Variants in B3GALNT2 observed in about 807,000 individuals in gnomAD.
B3GALNT2 encodes UDP-GalNAc:beta-1,3-N-acetylgalactosaminyltransferase 2.
In B3GALNT2, 53 loss-of-function variants were observed where a neutral mutation model predicts 61.1. That is an observed-to-expected ratio of 0.87 (90% CI 0.70 to 1.09). The LOEUF is 1.09. B3GALNT2 is among the 50% of genes least tolerant of loss of function. B3GALNT2 has a pLI of 0.00. For missense variants in B3GALNT2, 544 were observed against 623.0 expected (o/e 0.87, Z 1.35); for synonymous variants, 223 against 237.4 (o/e 0.94, Z 0.56).
At chr1:235,480,269 A>C (rs1684497478) in intron 4 of B3GALNT2, 120 bp from the exon 5 acceptor site, 4 of 1,425,714 alleles carry the variant, frequency 2.8e-6, no homozygotes, top group Non-Finnish European at 3.7e-6. Flanking sequence ...AACCACGGTC[A>C]CTAACATGGT....
rs1685725563 is a variant in B3GALNT2 at position 235,504,180 on chromosome 1, A to G, written c.73T>C (p.Ser25Pro). Reference sequence around the variant, plus strand: ...CCGGAGGCGCAGGCGGGCGGCGGGGAGCGCAGCCGCAGCCAGAGGTGCAGC... The same window carrying G: ...CCGGAGGCGCAGGCGGGCGGCGGGGGGCGCAGCCGCAGCCAGAGGTGCAGC... ...AALHLWLRLR[S>P]PPPACASGAG... The change falls in exon 1 of 12, where the codon TCC becomes CCC. Residue 25 changes from serine (S) to proline (P), a missense_variant. Transcript: ENST00000366600. The G allele has an allele frequency of 2.3e-5, 29 of 1,273,050 alleles. No homozygotes were observed. The highest frequency in any genetic ancestry group is 2.6e-5 in the Non-Finnish European group (26 of 1,012,816). 78.9% of individuals were successfully genotyped at this position (1,273,050 alleles called of 1,614,324 possible). A position where few individuals can be genotyped will look rare whatever the true frequency, so the allele number is the denominator to read the frequency against.
At chr1:235,495,429 T>C (rs1212703559) in intron 1 of B3GALNT2, among the ~76,000 whole-genome samples, 2 of 152,136 alleles carry the variant, frequency 1.3e-5, no homozygotes, top group African/African-American at 2.4e-5. Flanking sequence ...AGGACTTCCA[T>C]ACCGGAAAGT....
chr1:235,458,995 C>G (rs896395679), intron 7 of B3GALNT2, among the ~76,000 whole-genome samples: 5 of 152,148 alleles, frequency 3.3e-5, no homozygotes, highest in Admixed American at 2.0e-4. Flanking sequence ...TTGGCAATAT[C>G]TATTTAGGCT....
the B3GALNT2 span, among the ~76,000 whole-genome samples, chr1:235,440,374 T>C: frequency 2.6e-4 from 40 of 152,194 alleles, no homozygotes; most frequent in African/African-American, 9.2e-4. Context: ...CACTCCAGTT[T>C]ATGTCTGAGG....
At chr1:235,471,783 C>T (rs1478845053) in intron 5 of B3GALNT2, among the ~76,000 whole-genome samples, 1 of 152,214 alleles carries the variant, frequency 6.6e-6, no homozygotes, top group Admixed American at 6.5e-5. Context: ...TTGCTTCAGC[C>T]TCCCGCGTAG....
chr1:235,504,073 C>A (rs1282594430), intron 1 of B3GALNT2, 68 bp downstream of exon 1: 2 of 1,199,964 alleles, frequency 1.7e-6, no homozygotes, highest in South Asian at 4.2e-5. Flanking sequence ...CCGGCGAAGC[C>A]CCGCGGCACC....
chr1:235,484,733 G>GTTAATTATCAGAACTGCTT, intron 3 of B3GALNT2: 1 of 795,450 alleles, frequency 1.3e-6, no homozygotes, highest in Non-Finnish European at 1.8e-6. Flanking sequence ...ATCTAAGTAA[G>GTTAATTATCAGAACTGCTT]TTAATTATCA....
At chr1:235,443,185 C>CATAT (rs1553340612), downstream of B3GALNT2, among the ~76,000 whole-genome samples, 6,629 of 139,782 alleles carry the variant, frequency 0.047, 234 homozygotes, top group African/African-American at 0.098. Context: ...CACACACACA[C>CATAT]ATATATATAT....
intron 10 of B3GALNT2, among the ~76,000 whole-genome samples, chr1:235,453,595 A>G (rs913752956): frequency 6.6e-6 from 1 of 151,984 alleles, no homozygotes; most frequent in African/African-American, 2.4e-5. Flanking sequence ...TTGGGAATAT[A>G]GGTGTGCGCC....
intron 5 of B3GALNT2, among the ~76,000 whole-genome samples, chr1:235,474,987 AT>A (rs1160445883): frequency 3.1e-3 from 109 of 35,464 alleles, no homozygotes; most frequent in Non-Finnish European, 3.3e-3. Context: ...ATATATATAT[AT>A]TTTTTTTTTT....
chr1:235,488,716 AAAAAAG>A (rs1684919834), intron 3 of B3GALNT2, among the ~76,000 whole-genome samples: 1 of 146,604 alleles, frequency 6.8e-6, no homozygotes, highest in Non-Finnish European at 1.5e-5. Flanking sequence ...AAAAAAAAAA[AAAAAAG>A]ATGAGACATA....
intron 1 of B3GALNT2, among the ~76,000 whole-genome samples, chr1:235,495,296 G>A (rs1031893474): frequency 2.0e-5 from 3 of 152,122 alleles, no homozygotes; most frequent in Non-Finnish European, 4.4e-5. Context: ...GAGATAACAT[G>A]TATAAAGCTC....
Position 235,448,273 on chromosome 1 carries a change from G to A in B3GALNT2, c.*1933C>T, listed in dbSNP as rs577472150. On this transcript the variant is annotated 3_prime_UTR_variant, in exon 12 of 12. Transcript: ENST00000366600. ...ACAGCTATCATTGCAATGATACTGT[G>A]GTCTCATCACATGAGCTAGTTTTAC... is the stretch of plus-strand genomic sequence containing the variant. 2.8e-6 allele frequency: 3 copies of A among 1,055,484 alleles called. No individual in the cohort carries two copies. Among genetic ancestry groups the A allele is most frequent in the Admixed American group, 1.7e-5 (1 of 59,056 alleles). The allele number at this position is 1,055,484 out of a possible 1,614,324, so 65.4% of individuals were successfully genotyped here. A position where few individuals can be genotyped will look rare whatever the true frequency, so the allele number is the denominator to read the frequency against.
At chr1:235,503,999 A>T in intron 1 of B3GALNT2, 142 bp downstream of exon 1, 1 of 952,384 alleles carries the variant, frequency 1.0e-6, no homozygotes, top group Non-Finnish European at 1.3e-6. Context: ...TCCAAGGATG[A>T]AAAGAGCCGT....
intron 8 of B3GALNT2, among the ~76,000 whole-genome samples, chr1:235,458,026 C>T (rs972521020): frequency 3.3e-5 from 5 of 151,762 alleles, no homozygotes; most frequent in African/African-American, 4.8e-5. Context: ...CATGCCTCAG[C>T]CCCCCTGAGT....
Position 235,504,428 on chromosome 1 carries a change from C to T in B3GALNT2, c.-176G>A, listed in dbSNP as rs550547111. 26 of 642,178 alleles carry T rather than the reference C, an allele frequency of 4.0e-5. No homozygotes were observed. The African/African-American group carries it at 4.9e-4, about 12-fold the overall frequency. The allele number at this position is 642,178 out of a possible 1,614,324, so 39.8% of individuals were successfully genotyped here. A position where few individuals can be genotyped will look rare whatever the true frequency, so the allele number is the denominator to read the frequency against. ...GCTCCCGGCCCCGCTCCTCCGGTCC[C>T]TCAGACCGCGGGTGGCCGCGGCTTA... On this transcript the variant is annotated 5_prime_UTR_variant, in exon 1 of 12. Transcript: ENST00000366600.
In B3GALNT2 at chr1:235,480,098, T is replaced by A. The variant is rs1187026932; in HGVS notation, c.607A>T (p.Asn203Tyr). ...TCCACGGGCTTGTACCACAGCTTGT[T>A]CACCTGCACACCACAGCTTGGAGGA... Reference protein sequence around the residue: ...FSPPSCGVQVNKLWYKPVEQF... With the variant: ...FSPPSCGVQVYKLWYKPVEQF... Residue 203 changes from asparagine to tyrosine, a missense_variant, in exon 5 of 12, where the codon AAC becomes TAC. Coordinates refer to ENST00000366600, the MANE Select transcript of B3GALNT2 (RefSeq NM_152490.5). 3.1e-6 allele frequency: 5 copies of A among 1,613,904 alleles called. No individual in the cohort carries two copies. The highest frequency in any genetic ancestry group is 4.2e-6 in the Non-Finnish European group (5 of 1,179,818).
At chr1:235,455,356 C>G (rs1683112031) in intron 9 of B3GALNT2, among the ~76,000 whole-genome samples, 1 of 152,110 alleles carries the variant, frequency 6.6e-6, no homozygotes, top group Admixed American at 6.6e-5. Flanking sequence ...AGGATCCTCC[C>G]ACCTCAGCCT....
intron 5 of B3GALNT2, chr1:235,479,810 T>C (rs1684469858): frequency 2.5e-6 from 1 of 397,330 alleles, no homozygotes; most frequent in Admixed American, 4.2e-5. Context: ...CTCCACTAAA[T>C]AAACTACGGA....
Sources: allele counts gnomAD v4.1 joint callset (sites outside exome capture counted in the v4.1 genomes callset), GRCh38; gene constraint gnomAD v4.1.1; transcripts MANE v1.5; gene names NCBI Gene and HGNC (gene_info 2026-07-23, HGNC 2026-07-21).